The following ARL17B variants were observed in gnomAD, a reference collection of about 807,000 sequenced individuals.
The protein encoded by ARL17B is ARF like GTPase 17B, also known as ADP-ribosylation factor-like protein 17.
chr17:46,292,148 A>T (rs1294406323), intron 4 of ARL17B, among the ~76,000 whole-genome samples: 1 of 126,600 alleles, frequency 7.9e-6, no homozygotes, highest in African/African-American at 2.8e-5. Context: ...CTTGGCTAAC[A>T]TGGTGAAACC....
chr17:46,278,634 C>T (rs1376824411), intron 4 of ARL17B, among the ~76,000 whole-genome samples: 2 of 151,596 alleles, frequency 1.3e-5, no homozygotes, highest in Admixed American at 6.6e-5. Flanking sequence ...AAACTCCTGA[C>T]CTCGTGATAC....
intron 4 of ARL17B, among the ~76,000 whole-genome samples, chr17:46,280,902 T>C (rs2049745565): frequency 6.6e-6 from 1 of 152,226 alleles, no homozygotes; most frequent in Non-Finnish European, 1.5e-5. Context: ...AAAAAATACC[T>C]GCCAAGAAAG....
chr17:46,286,983 G>A (rs1292727429), intron 4 of ARL17B, among the ~76,000 whole-genome samples: 2 of 152,196 alleles, frequency 1.3e-5, no homozygotes, highest in African/African-American at 2.4e-5. Flanking sequence ...TATTCACAAC[G>A]AAAATGACAA....
At chr17:46,284,941 C>A (rs1303590900) in intron 4 of ARL17B, among the ~76,000 whole-genome samples, 1 of 152,184 alleles carries the variant, frequency 6.6e-6, no homozygotes, top group Non-Finnish European at 1.5e-5. Flanking sequence ...ACGATCATAG[C>A]TCACTGTAGC....
chr17:46,275,898 T>G (rs1345483111), intron 4 of ARL17B, among the ~76,000 whole-genome samples: 1 of 152,226 alleles, frequency 6.6e-6, no homozygotes, highest in African/African-American at 2.4e-5. Context: ...TTCACAATTT[T>G]TTTTTTTTTT....
At chr17:46,281,954 G>T (rs1248953034) in intron 4 of ARL17B, among the ~76,000 whole-genome samples, 2 of 152,008 alleles carry the variant, frequency 1.3e-5, no homozygotes, top group Non-Finnish European at 2.9e-5. Flanking sequence ...TAGTTTTACA[G>T]ATTTTGTAGT....
At chr17:46,281,055 T>C (rs1345427240) in intron 4 of ARL17B, among the ~76,000 whole-genome samples, 2 of 152,182 alleles carry the variant, frequency 1.3e-5, no homozygotes. Flanking sequence ...GCACTAAATG[T>C]TGTAGCGGAA....
At chr17:46,312,790 T>G (rs1232117443) in intron 3 of ARL17B, among the ~76,000 whole-genome samples, 2 of 51,260 alleles carry the variant, frequency 3.9e-5, no homozygotes. Flanking sequence ...GCACTCACAT[T>G]CTTTCTCTTT....
chr17:46,333,150 T>G (rs2052105529), downstream of ARL17B, among the ~76,000 whole-genome samples: 1 of 108,312 alleles, frequency 9.2e-6, no homozygotes, highest in Admixed American at 9.5e-5. Flanking sequence ...AGGCATTGTC[T>G]AAATAGGTCC....
intron 4 of ARL17B, among the ~76,000 whole-genome samples, chr17:46,278,085 T>C (rs1407995322): frequency 1.3e-5 from 2 of 152,110 alleles, no homozygotes; most frequent in Non-Finnish European, 2.9e-5. Context: ...AGCTGGGACT[T>C]ACAGGCGTGC....
At chr17:46,275,955 A>G (rs1214477786) in intron 4 of ARL17B, among the ~76,000 whole-genome samples, 9 of 151,856 alleles carry the variant, frequency 5.9e-5, no homozygotes, top group Non-Finnish European at 1.3e-4. Flanking sequence ...CAAAGGCGCG[A>G]TCTTGGCTCA....
intron 4 of ARL17B, among the ~76,000 whole-genome samples, chr17:46,288,522 T>G (rs2143433540): frequency 6.6e-6 from 1 of 152,016 alleles, no homozygotes; most frequent in South Asian, 2.1e-4. Context: ...GGTCTCAAAC[T>G]CCTGACTTCA....
chr17:46,291,534 C>A (rs2050067352), intron 4 of ARL17B, among the ~76,000 whole-genome samples: 2 of 151,636 alleles, frequency 1.3e-5, no homozygotes, highest in African/African-American at 2.4e-5. Context: ...CTGGGCTACA[C>A]TGGGCTTCAG....
chr17:46,283,390 T>C (rs2049822145), intron 4 of ARL17B, among the ~76,000 whole-genome samples: 1 of 152,258 alleles, frequency 6.6e-6, no homozygotes, highest in Non-Finnish European at 1.5e-5. Context: ...GGCCATCTTA[T>C]GGGCCTATAA....
chr17:46,353,072 GGCCCCCTC>G, intron 2 of ARL17B, 142 bp from the exon 3 acceptor site: 5 of 1,360,564 alleles, frequency 3.7e-6, no homozygotes, highest in Non-Finnish European at 5.0e-6. Flanking sequence ...AGAATGTGCT[GGCCCCCTC>G]GCCCATTCAT....
intron 4 of ARL17B, among the ~76,000 whole-genome samples, chr17:46,280,204 A>G (rs543196484): frequency 9.9e-5 from 15 of 152,064 alleles, no homozygotes; most frequent in Non-Finnish European, 2.1e-4. Context: ...TCCCTACTAA[A>G]AACACAAAAA....
chr17:46,331,409 C>T (rs1347697631), downstream of ARL17B: 1 of 759,372 alleles, frequency 1.3e-6, no homozygotes, highest in Non-Finnish European at 2.0e-6. Flanking sequence ...AGTATCTGCT[C>T]TTTCAGAACA....
chr17:46,315,925 T>C (rs1216897180), intron 3 of ARL17B, among the ~76,000 whole-genome samples: 1 of 71,636 alleles, frequency 1.4e-5, no homozygotes, highest in Admixed American at 1.4e-4. Flanking sequence ...TTTTTCTTTT[T>C]TTTTTTTCTT....
At chr17:46,291,890 G>C (rs2050077922) in intron 4 of ARL17B, among the ~76,000 whole-genome samples, 1 of 151,474 alleles carries the variant, frequency 6.6e-6, no homozygotes, top group South Asian at 2.1e-4. Context: ...GATCTGGGTA[G>C]GGGGAGGCTG....
Sources: gnomAD v4.1 joint callset for allele counts (sites outside exome capture counted in the v4.1 genomes callset) on GRCh38, gnomAD v4.1.1 for gene constraint, MANE v1.5 for transcripts, NCBI Gene and HGNC (gene_info 2026-07-23, HGNC 2026-07-21) for gene names.